Variants in TUSC3 observed in about 807,000 individuals in gnomAD.
TUSC3 encodes the protein dolichyl-diphosphooligosaccharide--protein glycosyltransferase subunit TUSC3.
TUSC3 carries 45 observed loss-of-function variants against 44.8 expected under a neutral mutation model. That is an observed-to-expected ratio of 1.00 (90% CI 0.79 to 1.29). The LOEUF (loss-of-function observed/expected upper bound fraction) is 1.29. Ranked by LOEUF, TUSC3 falls within the 50% of genes most tolerant of loss-of-function variation. The probability of loss-of-function intolerance (pLI) is 0.00; values close to 1 mark genes in which losing one functional copy is unlikely to be tolerated. For synonymous variants in TUSC3, 212 were observed against 152.9 expected, an observed-to-expected ratio of 1.39 and a Z score of -2.85; for missense variants, 519 against 437.9, an observed-to-expected ratio of 1.19 and a Z score of -1.65.
chr8:15,520,590 G>A (rs1801284040), intron 2 of TUSC3, among the ~76,000 whole-genome samples: 1 of 152,132 alleles, frequency 6.6e-6, no homozygotes, highest in Non-Finnish European at 1.5e-5. Flanking sequence ...TGCACTGTGT[G>A]ATAACCAATA....
the TUSC3 span, among the ~76,000 whole-genome samples, chr8:15,812,004 A>C: frequency 6.6e-6 from 1 of 152,164 alleles, no homozygotes; most frequent in Non-Finnish European, 1.5e-5. Context: ...ATGGTTTGTC[A>C]TTGAATTAAT....
intron 6 of TUSC3, among the ~76,000 whole-genome samples, chr8:15,697,054 A>G (rs1187187844): frequency 6.6e-6 from 1 of 152,126 alleles, no homozygotes; most frequent in African/African-American, 2.4e-5. Flanking sequence ...TAGGTTTTCT[A>G]GTTTAGGCAC....
At chr8:15,786,643 A>G in the TUSC3 span, among the ~76,000 whole-genome samples, 1 of 152,086 alleles carries the variant, frequency 6.6e-6, no homozygotes, top group Non-Finnish European at 1.5e-5. Flanking sequence ...CAGAAAACTC[A>G]TTAAAGATAG....
At position 15,654,432 on chromosome 8, in the gene TUSC3, A is replaced by G. The variant is rs964324364; in HGVS notation, c.426+3618A>G. 8.5e-5 allele frequency among the ~76,000 whole-genome samples: 13 copies of G among 152,160 alleles called. No individual in the cohort carries two copies. The East Asian group carries it at 2.3e-3, about 27-fold the overall frequency. On this transcript the variant is annotated intron_variant, in intron 3 of 10. Coordinates refer to ENST00000503731, the MANE Select transcript of TUSC3 (RefSeq NM_006765.4). ...AGATAGACTCCTGATGTACAGGGCC[A>G]TATCACACTTATTAGATACATTAGA...
intron 6 of TUSC3, among the ~76,000 whole-genome samples, chr8:15,717,654 C>T (rs1222628174): frequency 1.3e-5 from 2 of 151,996 alleles, no homozygotes; most frequent in Admixed American, 6.6e-5. Context: ...CCATGTCAGC[C>T]TACTGTAATT....
chr8:15,726,374 A>G (rs1009587320), intron 6 of TUSC3, among the ~76,000 whole-genome samples: 2 of 152,156 alleles, frequency 1.3e-5, no homozygotes, highest in African/African-American at 4.8e-5. Context: ...ATATTATGCT[A>G]TGCTATTTGT....
intron 2 of TUSC3, among the ~76,000 whole-genome samples, chr8:15,630,633 G>T (rs1805716822): frequency 6.6e-6 from 1 of 152,136 alleles, no homozygotes; most frequent in African/African-American, 2.4e-5. Flanking sequence ...CTTTCCTTAA[G>T]TGCACATATT....
At chr8:15,608,624 C>T (rs1212966519) in intron 1 of TUSC3, among the ~76,000 whole-genome samples, 4 of 152,002 alleles carry the variant, frequency 2.6e-5, no homozygotes, top group African/African-American at 9.7e-5. Flanking sequence ...GGTGGTTTCC[C>T]CCATGTTGTT....
At chr8:15,722,371 A>C (rs1170113347) in intron 6 of TUSC3, among the ~76,000 whole-genome samples, 1 of 151,650 alleles carries the variant, frequency 6.6e-6, no homozygotes, top group Non-Finnish European at 1.5e-5. Context: ...ATAACTTTTT[A>C]TGAAGAAGGG....
At chr8:15,672,700 AGT>A (rs1808002453) in intron 5 of TUSC3, among the ~76,000 whole-genome samples, 1 of 152,090 alleles carries the variant, frequency 6.6e-6, no homozygotes, top group African/African-American at 2.4e-5. Flanking sequence ...AGCCAAAAAA[AGT>A]GAGACTTCTT....
intron 2 of TUSC3, among the ~76,000 whole-genome samples, chr8:15,629,072 T>C (rs1338967938): frequency 6.6e-6 from 1 of 152,188 alleles, no homozygotes; most frequent in African/African-American, 2.4e-5. Context: ...AAAGGGTTTA[T>C]TTAATAAGTA....
intron 9 of TUSC3, among the ~76,000 whole-genome samples, chr8:15,750,852 A>G (rs555619627): frequency 6.6e-6 from 1 of 151,968 alleles, no homozygotes; most frequent in Non-Finnish European, 1.5e-5. Context: ...ATATAGATGA[A>G]ACTCTTGTAA....
the TUSC3 span, among the ~76,000 whole-genome samples, chr8:15,773,396 C>T: frequency 6.6e-6 from 1 of 151,860 alleles, no homozygotes; most frequent in Non-Finnish European, 1.5e-5. Flanking sequence ...TACTTTTGGA[C>T]AGATTTAACC....
At chr8:15,469,740 A>T (rs547401983) in intron 1 of TUSC3, among the ~76,000 whole-genome samples, 1 of 152,352 alleles carries the variant, frequency 6.6e-6, no homozygotes, top group South Asian at 2.1e-4. Flanking sequence ...TACTTGGAAG[A>T]ACCAAGATGT....
At chr8:15,464,087 G>A (rs927688853) in intron 1 of TUSC3, among the ~76,000 whole-genome samples, 1 of 152,152 alleles carries the variant, frequency 6.6e-6, no homozygotes, top group African/African-American at 2.4e-5. Flanking sequence ...TCAAGCCATA[G>A]TGAGTCTAGT....
intron 2 of TUSC3, among the ~76,000 whole-genome samples, chr8:15,636,048 G>T (rs529734201): frequency 2.6e-4 from 40 of 152,304 alleles, no homozygotes; most frequent in African/African-American, 9.1e-4. Context: ...GCAACAGTCA[G>T]TACAAATGTG....
chr8:15,767,059 C>T (rs1429704450), downstream of TUSC3, among the ~76,000 whole-genome samples: 1 of 151,850 alleles, frequency 6.6e-6, no homozygotes, highest in Non-Finnish European at 1.5e-5. Context: ...TGGATCAGAC[C>T]AATATATGTA....
chr8:15,649,274 T>C (rs953574258), intron 2 of TUSC3, among the ~76,000 whole-genome samples: 2 of 152,032 alleles, frequency 1.3e-5, no homozygotes, highest in Non-Finnish European at 2.9e-5. Flanking sequence ...GTGCAGAAGT[T>C]TGGTCTACTA....
At chr8:15,431,551 G>A (rs1799873790) in intron 1 of TUSC3, among the ~76,000 whole-genome samples, 1 of 150,992 alleles carries the variant, frequency 6.6e-6, no homozygotes, top group Non-Finnish European at 1.5e-5. Context: ...CTAAAGTCAT[G>A]GATTAGATTT....
Sources: gnomAD v4.1 joint callset for allele counts (sites outside exome capture counted in the v4.1 genomes callset) on GRCh38, gnomAD v4.1.1 for gene constraint, MANE v1.5 for transcripts, NCBI Gene and HGNC (gene_info 2026-07-23, HGNC 2026-07-21) for gene names.